The following NCAPD2 variants were observed in gnomAD, a reference collection of about 807,000 sequenced individuals.
NCAPD2 encodes non-SMC condensin I complex subunit D2.
NCAPD2 carries 100 observed loss-of-function variants against 164.5 expected under a neutral mutation model. The observed-to-expected ratio is 0.61, with a 90% confidence interval of 0.52 to 0.72. The LOEUF is 0.72. NCAPD2 is among the 30% of genes least tolerant of loss of function. The pLI is 0.00. For synonymous variants in NCAPD2, 585 were observed against 642.6 expected (o/e 0.91, Z 1.36); for missense variants, 1,560 against 1,749.2 (o/e 0.89, Z 1.93).
intron 2 of NCAPD2, among the ~76,000 whole-genome samples, chr12:6,496,509 C>T (rs1433999454): frequency 6.6e-6 from 1 of 152,136 alleles, no homozygotes; most frequent in Non-Finnish European, 1.5e-5. Flanking sequence ...ACTGCAGCCT[C>T]AACTTCCCAG....
chr12:6,518,226 GAAGAGCACCTATAAAT>G (rs1470839195), intron 13 of NCAPD2: 3 of 257,088 alleles, frequency 1.2e-5, no homozygotes, highest in African/African-American at 6.7e-5. Flanking sequence ...TTCAATTGAA[GAAGAGCACCTATAAAT>G]AAGTTCTAGT....
rs1946178745 is a variant in NCAPD2 at position 6,514,234 on chromosome 12, C to T, written c.588-31C>T. The T allele has an allele frequency of 1.9e-6, 3 of 1,613,874 alleles. No individual in the cohort carries two copies. In the East Asian group the frequency reaches 6.7e-5, roughly 36 times the overall value. On this transcript the variant is annotated intron_variant, in intron 6 of 31. Transcript: ENST00000315579. ...TGATACAATTGGATTCAGACAGCTG[C>T]TTTCATCATCTCAAACTCTTCCTTT... is the stretch of plus-strand genomic sequence containing the variant.
intron 2 of NCAPD2, among the ~76,000 whole-genome samples, chr12:6,504,831 G>A (rs1001519288): frequency 3.9e-5 from 6 of 152,284 alleles, no homozygotes; most frequent in Non-Finnish European, 8.8e-5. Flanking sequence ...AAGTTTACAT[G>A]ATGAATCATG....
In NCAPD2 at chr12:6,526,096, T is replaced by G. The variant is rs1427039429; in HGVS notation, c.2377T>G (p.Leu793Val). Residue 793 changes from leucine (L) to valine (V), a missense_variant, in exon 19 of 32, where the codon TTA becomes GTA. Transcript: ENST00000315579. ...RGKPEIVGSNLDTLVSIGLDE... is the reference protein window; with the variant it reads ...RGKPEIVGSNVDTLVSIGLDE... ...AAAGCCAGAAATTGTGGGAAGCAAT[T>G]TAGACACACTGGTGAGCATAGGGCT... 3 of 1,613,920 alleles carry G rather than the reference T, an allele frequency of 1.9e-6. No homozygotes were observed. The highest frequency in any genetic ancestry group is 2.5e-6 in the Non-Finnish European group (3 of 1,180,034).
intron 9 of NCAPD2, among the ~76,000 whole-genome samples, chr12:6,516,492 A>G (rs1054665442): frequency 6.6e-6 from 1 of 152,172 alleles, no homozygotes; most frequent in East Asian, 1.9e-4. Flanking sequence ...ACAGAGCAAG[A>G]CTCCGTCTCA....
In NCAPD2 at chr12:6,530,674, T is replaced by G. The variant is rs375505310; in HGVS notation, c.3838-17T>G. 2.4e-5 allele frequency: 39 copies of G among 1,613,614 alleles called. No homozygotes were observed. The highest frequency in any genetic ancestry group is 1.0e-4 in the Admixed American group (6 of 59,910). ...ACTGTTTTCAGGCCTGCTCTGAATC[T>G]CCTTTTCTCCCTCCAGGCTATAATA... On this transcript the variant is annotated splice_polypyrimidine_tract_variant and intron_variant, in intron 29 of 31. Coordinates refer to ENST00000315579, the MANE Select transcript of NCAPD2 (RefSeq NM_014865.4).
chr12:6,523,194 C>A, intron 16 of NCAPD2, 68 bp from the exon 17 acceptor site: 10 of 1,534,800 alleles, frequency 6.5e-6, no homozygotes, highest in Non-Finnish European at 7.2e-6. Context: ...TGGGATAGCC[C>A]TAATCACTGT....
Position 6,528,027 on chromosome 12 carries a change from C to T in NCAPD2, c.3079C>T (p.Leu1027Phe), listed in dbSNP as rs899580035. The T allele has an allele frequency of 3.7e-6, 6 of 1,614,240 alleles. No homozygotes were observed. Among genetic ancestry groups the T allele is most frequent in the Non-Finnish European group, 5.1e-6 (6 of 1,180,044 alleles). ...LLLKVCNNPGLYSNPDLSAAA... is the reference protein window; with the variant it reads ...LLLKVCNNPGFYSNPDLSAAA... The stretch of plus-strand genomic sequence containing the variant: ...GCTTAAAGTCTGTAACAACCCAGGC[C>T]TCTATAGCAACCCAGACCTCTCTGC... The change falls in exon 24 of 32, where the codon CTC becomes TTC. Residue 1027 changes from leucine to phenylalanine, a missense_variant. Coordinates refer to ENST00000315579, the MANE Select transcript of NCAPD2 (RefSeq NM_014865.4). This position sits in a 1 kb window ranked among gnomAD's most constrained non-coding sequence, Gnocchi z 5.1.
chr12:6,504,208 T>TAG (rs1421551900), intron 2 of NCAPD2, among the ~76,000 whole-genome samples: 4 of 22,574 alleles, frequency 1.8e-4, no homozygotes, highest in East Asian at 1.5e-3. Context: ...TATATATATA[T>TAG]ATATATATAG....
intron 4 of NCAPD2, 191 bp from the exon 5 acceptor site, chr12:6,510,438 T>G: frequency 1.3e-6 from 1 of 799,396 alleles, no homozygotes; most frequent in Non-Finnish European, 2.2e-6. Context: ...GTAACTGGAG[T>G]GAGAGAGTAG....
intron 27 of NCAPD2, 28 bp from the exon 28 acceptor site, chr12:6,529,485 C>G (rs762311783): frequency 1.3e-5 from 21 of 1,604,002 alleles, no homozygotes; most frequent in South Asian, 2.2e-5. Flanking sequence ...CCTGGGCCAT[C>G]GAACATCCTC....
Position 6,504,204 on chromosome 12 carries a change from T to TAG in NCAPD2, c.128-5512_128-5511insGA, listed in dbSNP as rs1271618704. 3.5e-4 allele frequency among the ~76,000 whole-genome samples: 8 copies of TAG among 22,616 alleles called. 1 individual carries two copies. The highest frequency in any genetic ancestry group is 6.3e-4 in the Admixed American group (1 of 1,590). The allele number at this position is 22,616 out of a possible 152,430, so 14.8% of individuals were successfully genotyped here. A position where few individuals can be genotyped will look rare whatever the true frequency, so the allele number is the denominator to read the frequency against. On this transcript the variant is annotated intron_variant, in intron 2 of 31. Transcript: ENST00000315579. The stretch of plus-strand genomic sequence containing the variant: ...ATACATATATATATATATATATATA[T>TAG]ATATATATATATAGATATAGATATA...
intron 2 of NCAPD2, among the ~76,000 whole-genome samples, chr12:6,508,052 C>T (rs1177080361): frequency 3.9e-5 from 6 of 151,980 alleles, no homozygotes; most frequent in South Asian, 4.2e-4. Context: ...TTAGCTGGGC[C>T]GGGCGCAGTG....
At chr12:6,494,200 A>G (rs982254207) in intron 1 of NCAPD2, 46 bp downstream of exon 1, 4 of 152,296 alleles carry the variant, frequency 2.6e-5, no homozygotes, top group Non-Finnish European at 4.4e-5. Context: ...AAAGTCGAGT[A>G]CATGGCAGTG....
chr12:6,517,541 A>G (rs761416417), intron 11 of NCAPD2, 42 bp downstream of exon 11: 5 of 1,614,092 alleles, frequency 3.1e-6, no homozygotes, highest in African/African-American at 2.7e-5. Context: ...AATTAAATGG[A>G]AACAGGGATG....
intron 2 of NCAPD2, among the ~76,000 whole-genome samples, chr12:6,506,592 GAAA>G (rs1165369312): frequency 8.3e-6 from 1 of 120,944 alleles, no homozygotes; most frequent in African/African-American, 3.1e-5. Flanking sequence ...TCCGTCTCAA[GAAA>G]AAAAAAAAAG....
chr12:6,504,425 C>T (rs1299263049), intron 2 of NCAPD2, among the ~76,000 whole-genome samples: 1 of 151,762 alleles, frequency 6.6e-6, no homozygotes, highest in Admixed American at 6.6e-5. Context: ...CAGAGTCTTG[C>T]TCTGTGGCCC....
rs201468201 is a variant in NCAPD2 at position 6,526,311 on chromosome 12, C to A, written c.2506C>A (p.Pro836Thr). Residue 836 changes from proline to threonine, a missense_variant, in exon 20 of 32, where the codon CCC (proline) becomes ACC (threonine). Transcript: ENST00000315579. ...RKPSLGKRHP[P>T]FRLPQEHRLF... ...GCCTTCTCTGGGCAAACGTCACCCC[C>A]CCTTCCGGCTGCCTCAGGAACACAG... The A allele has an allele frequency of 3.1e-6, 5 of 1,614,216 alleles. No homozygotes were observed. The highest frequency in any genetic ancestry group is 1.7e-5 in the Admixed American group (1 of 60,022).
In NCAPD2 at chr12:6,530,954, C is replaced by T; in HGVS notation, c.3998C>T (p.Ser1333Leu). ...SRYQPLASTA[S>L]DNDFVTPEPR... ...TACCAGCCTCTGGCTTCTACAGCCT[C>T]AGACAATGACTTTGTCACACCAGAG... Residue 1333 changes from serine to leucine, a missense_variant, in exon 31 of 32, where the codon TCA becomes TTA. Ser to Leu is a moderately radical substitution (Grantham distance 145, BLOSUM62 -2). Transcript: ENST00000315579. The T allele has an allele frequency of 6.2e-7, 1 of 1,614,232 alleles. No individual in the cohort carries two copies. The highest frequency in any genetic ancestry group is 1.1e-5 in the South Asian group (1 of 91,084).
Sources: gnomAD v4.1 joint callset for allele counts (sites outside exome capture counted in the v4.1 genomes callset) on GRCh38, gnomAD v4.1.1 for gene constraint, Gnocchi (gnomAD v3.1) non-coding constraint, MANE v1.5 for transcripts, NCBI Gene and HGNC (gene_info 2026-07-23, HGNC 2026-07-21) for gene names.